Variants in GALNT13 observed in about 807,000 individuals in gnomAD.
GALNT13 encodes the protein polypeptide N-acetylgalactosaminyltransferase 13.
Under a neutral mutation model 64.2 loss-of-function variants are expected in GALNT13, and 28 were observed. That is an observed-to-expected ratio of 0.44 (90% confidence interval 0.32 to 0.60). The LOEUF is 0.60. Ranked by LOEUF, GALNT13 falls within the 20% of genes least tolerant of loss-of-function variation. GALNT13 has a pLI of 0.05. For synonymous variants in GALNT13, 214 were observed against 224.6 expected, an observed-to-expected ratio of 0.95 and a Z score of 0.42; for missense variants, 577 against 669.8, an observed-to-expected ratio of 0.86 and a Z score of 1.53.
At chr2:154,252,842 A>G (rs1690161017) in intron 7 of GALNT13, among the ~76,000 whole-genome samples, 1 of 152,068 alleles carries the variant, frequency 6.6e-6, no homozygotes, top group Admixed American at 6.6e-5. Context: ...AGAAAGAAAG[A>G]TGACTTTTTT....
chr2:154,340,595 T>G (rs1260734120), intron 9 of GALNT13, among the ~76,000 whole-genome samples: 1 of 152,128 alleles, frequency 6.6e-6, no homozygotes, highest in African/African-American at 2.4e-5. Flanking sequence ...AAGTCTCTTC[T>G]TCCTTTTCTT....
At chr2:153,659,260 T>A in the GALNT13 span, among the ~76,000 whole-genome samples, 4 of 152,166 alleles carry the variant, frequency 2.6e-5, no homozygotes, top group South Asian at 4.2e-4. Flanking sequence ...TCTGCAAGAA[T>A]CAAACATTTC....
At chr2:154,347,479 C>T (rs1162163622) in intron 9 of GALNT13, among the ~76,000 whole-genome samples, 1 of 152,008 alleles carries the variant, frequency 6.6e-6, no homozygotes, top group Non-Finnish European at 1.5e-5. Context: ...TGTAAATTAT[C>T]TGCTCTCCAG....
chr2:153,671,053 A>G, the GALNT13 span, among the ~76,000 whole-genome samples: 1 of 152,234 alleles, frequency 6.6e-6, no homozygotes, highest in Admixed American at 6.5e-5. Flanking sequence ...GGACTATGTG[A>G]AAAGACTAAA....
intron 3 of GALNT13, among the ~76,000 whole-genome samples, chr2:154,007,561 G>T (rs1696341519): frequency 6.6e-6 from 1 of 151,926 alleles, no homozygotes; most frequent in Non-Finnish European, 1.5e-5. Context: ...GGAATATGTT[G>T]TTTATTCATC....
intron 8 of GALNT13, among the ~76,000 whole-genome samples, chr2:154,300,738 A>G (rs1247664408): frequency 2.0e-5 from 3 of 152,198 alleles, no homozygotes; most frequent in African/African-American, 4.8e-5. Context: ...TAAGAAATAT[A>G]TGGTATATTT....
chr2:153,808,308 C>T, the GALNT13 span, among the ~76,000 whole-genome samples: 1 of 151,996 alleles, frequency 6.6e-6, no homozygotes, highest in Non-Finnish European at 1.5e-5. Flanking sequence ...TCAACTGGTG[C>T]CTGTTTCATC....
the GALNT13 span, among the ~76,000 whole-genome samples, chr2:153,480,710 G>C: frequency 1.3e-5 from 2 of 152,268 alleles, no homozygotes; most frequent in South Asian, 4.1e-4. Context: ...GTCATCCTGA[G>C]ATGAATGGTA....
chr2:154,146,602 C>A (rs1683616261), intron 4 of GALNT13, among the ~76,000 whole-genome samples: 1 of 151,970 alleles, frequency 6.6e-6, no homozygotes, highest in Non-Finnish European at 1.5e-5. Context: ...GAAAAGCAGG[C>A]ACAGGAAACC....
chr2:154,359,102 A>T (rs554905931), intron 9 of GALNT13, among the ~76,000 whole-genome samples: 27 of 152,108 alleles, frequency 1.8e-4, no homozygotes, highest in African/African-American at 6.3e-4. Context: ...TATTTCATTT[A>T]CTTCTATGTG....
intron 3 of GALNT13, among the ~76,000 whole-genome samples, chr2:154,021,051 TTGGTCTATATCTC>T (rs1272502218): frequency 6.6e-6 from 1 of 152,210 alleles, no homozygotes; most frequent in Non-Finnish European, 1.5e-5. Flanking sequence ...TTCTGCTCCA[TTGGTCTATATCTC>T]TGTTTTCGTA....
chr2:153,374,270 A>G, the GALNT13 span, among the ~76,000 whole-genome samples: 1 of 152,210 alleles, frequency 6.6e-6, no homozygotes, highest in Non-Finnish European at 1.5e-5. Context: ...CCTGTTAGCC[A>G]TCCAAACAAG....
the GALNT13 span, among the ~76,000 whole-genome samples, chr2:153,122,923 G>T: frequency 6.6e-6 from 1 of 152,208 alleles, no homozygotes; most frequent in African/African-American, 2.4e-5. Context: ...GGTTATACTA[G>T]ATTAGAGTGG....
chr2:153,841,516 G>A, the GALNT13 span, among the ~76,000 whole-genome samples: 35 of 152,044 alleles, frequency 2.3e-4, no homozygotes, highest in Non-Finnish European at 2.1e-4. Flanking sequence ...TAAATATTAC[G>A]ATATGAATTA....
chr2:154,131,504 A>C (rs922516572), intron 3 of GALNT13, among the ~76,000 whole-genome samples: 1 of 152,144 alleles, frequency 6.6e-6, no homozygotes, highest in African/African-American at 2.4e-5. Context: ...TTCTCATCTT[A>C]TGTCCATTAA....
chr2:153,892,997 T>C (rs1232923670), intron 1 of GALNT13, among the ~76,000 whole-genome samples: 1 of 152,092 alleles, frequency 6.6e-6, no homozygotes, highest in Non-Finnish European at 1.5e-5. Context: ...ATATGAAGTC[T>C]TGATGTTGGT....
At chr2:153,766,723 T>C in the GALNT13 span, among the ~76,000 whole-genome samples, 1 of 152,076 alleles carries the variant, frequency 6.6e-6, no homozygotes, top group African/African-American at 2.4e-5. Context: ...ATGTTTAAAA[T>C]TTCTTTATTA....
the GALNT13 span, chr2:153,201,830 TC>T: frequency 6.6e-6 from 1 of 152,076 alleles, no homozygotes; most frequent in African/African-American, 2.4e-5. Flanking sequence ...GAACAATGCT[TC>T]CCTATGGGAA....
At chr2:154,086,227 C>T (rs938245377) in intron 3 of GALNT13, among the ~76,000 whole-genome samples, 2 of 148,108 alleles carry the variant, frequency 1.4e-5, no homozygotes, top group Non-Finnish European at 3.0e-5. Context: ...GAACCCAATT[C>T]TACACAACTG....
Sources: allele counts gnomAD v4.1 joint callset (sites outside exome capture counted in the v4.1 genomes callset), GRCh38; gene constraint gnomAD v4.1.1; transcripts MANE v1.5; gene names NCBI Gene and HGNC (gene_info 2026-07-23, HGNC 2026-07-21).